PTPRM: variants seen among roughly 807,000 people sequenced by gnomAD.
The protein encoded by PTPRM is receptor-type tyrosine-protein phosphatase mu.
Under a neutral mutation model 186.7 loss-of-function variants are expected in PTPRM, and 47 were observed. The observed-to-expected ratio is 0.25, with a 90% CI of 0.20 to 0.32. The LOEUF is 0.32. Ranked by LOEUF, PTPRM falls within the 10% of genes least tolerant of loss-of-function variation. PTPRM has a pLI of 1.00. For synonymous variants in PTPRM, 668 were observed against 674.9 expected, an observed-to-expected ratio of 0.99 and a Z score of 0.16; for missense variants, 1,494 against 1,865.0, an observed-to-expected ratio of 0.80 and a Z score of 3.66.
chr18:7,988,351 AT>A (rs1340992742), intron 7 of PTPRM, among the ~76,000 whole-genome samples: 1 of 152,176 alleles, frequency 6.6e-6, no homozygotes, highest in Non-Finnish European at 1.5e-5. Flanking sequence ...GCCCTTTCTA[AT>A]TTTGATTAAA....
chr18:8,196,756 G>GAT (rs1215349209), intron 14 of PTPRM, among the ~76,000 whole-genome samples: 1 of 152,202 alleles, frequency 6.6e-6, no homozygotes. Flanking sequence ...CATATGTCAC[G>GAT]ATATGTTCCT....
intron 19 of PTPRM, among the ~76,000 whole-genome samples, chr18:8,260,829 A>G (rs1245715028): frequency 6.6e-6 from 1 of 152,220 alleles, no homozygotes; most frequent in East Asian, 1.9e-4. Flanking sequence ...GCCCAGCAGC[A>G]GGGCGCGGGA....
At chr18:7,576,848 G>A (rs1261276023) in intron 1 of PTPRM, among the ~76,000 whole-genome samples, 1 of 152,150 alleles carries the variant, frequency 6.6e-6, no homozygotes, top group African/African-American at 2.4e-5. Context: ...CATGTAATAA[G>A]CACATGCTTA....
chr18:7,574,142 T>C (rs772336941), intron 1 of PTPRM, among the ~76,000 whole-genome samples: 3 of 152,090 alleles, frequency 2.0e-5, no homozygotes, highest in African/African-American at 7.2e-5. Context: ...GAACTGGGGG[T>C]AAAAATATCA....
intron 1 of PTPRM, among the ~76,000 whole-genome samples, chr18:7,609,510 T>C (rs989535563): frequency 6.7e-6 from 1 of 148,206 alleles, no homozygotes; most frequent in Admixed American, 6.8e-5. Context: ...TTCTAGAAAC[T>C]GCCTGTCTCC....
At chr18:7,959,489 C>T (rs1406773759) in intron 7 of PTPRM, among the ~76,000 whole-genome samples, 3 of 152,196 alleles carry the variant, frequency 2.0e-5, no homozygotes, top group South Asian at 2.1e-4. Context: ...ATTAAAATGG[C>T]AAGATCACTA....
chr18:8,201,593 A>G (rs1341770322), intron 14 of PTPRM, among the ~76,000 whole-genome samples: 1 of 152,210 alleles, frequency 6.6e-6, no homozygotes. Context: ...TCTGGAGGCC[A>G]GAAGTCTAAG....
At chr18:7,723,953 T>C (rs2040498115) in intron 1 of PTPRM, among the ~76,000 whole-genome samples, 1 of 152,202 alleles carries the variant, frequency 6.6e-6, no homozygotes, top group African/African-American at 2.4e-5. Context: ...TTGAAATTAG[T>C]GTTCTGTGCC....
At chr18:8,193,338 G>C (rs372393543) in intron 14 of PTPRM, among the ~76,000 whole-genome samples, 66 of 152,192 alleles carry the variant, frequency 4.3e-4, no homozygotes, top group African/African-American at 1.5e-3. Flanking sequence ...AGCTATCAAG[G>C]GGCAGTAATA....
intron 2 of PTPRM, among the ~76,000 whole-genome samples, chr18:7,866,312 T>C (rs2047691728): frequency 6.6e-6 from 1 of 152,196 alleles, no homozygotes; most frequent in East Asian, 1.9e-4. Flanking sequence ...CTGCTTTCTC[T>C]TGTGGGCATT....
At chr18:8,183,350 A>G (rs1282174839) in intron 14 of PTPRM, among the ~76,000 whole-genome samples, 2 of 152,204 alleles carry the variant, frequency 1.3e-5, no homozygotes, top group Non-Finnish European at 2.9e-5. Flanking sequence ...TCTTATCAGA[A>G]TCACCATTGT....
intron 7 of PTPRM, among the ~76,000 whole-genome samples, chr18:7,985,298 TATA>T (rs1274361299): frequency 9.6e-6 from 1 of 103,832 alleles, no homozygotes; most frequent in Non-Finnish European, 2.0e-5. Flanking sequence ...AATATATACA[TATA>T]ATAGTATATA....
intron 1 of PTPRM, among the ~76,000 whole-genome samples, chr18:7,663,896 C>CA (rs2039034637): frequency 6.6e-6 from 1 of 152,140 alleles, no homozygotes; most frequent in Admixed American, 6.5e-5. Flanking sequence ...CTCTGCCCCC[C>CA]TCCAGCCCCA....
At chr18:8,101,992 A>G (rs971559140) in intron 11 of PTPRM, among the ~76,000 whole-genome samples, 3 of 152,250 alleles carry the variant, frequency 2.0e-5, no homozygotes, top group African/African-American at 7.2e-5. Flanking sequence ...TAAAGTGAAT[A>G]TCACAATAAA....
chr18:7,919,999 A>G (rs140945344), intron 4 of PTPRM, among the ~76,000 whole-genome samples: 1 of 152,018 alleles, frequency 6.6e-6, no homozygotes, highest in East Asian at 1.9e-4. Context: ...ATAAACATAG[A>G]TACTCCTCCT....
At position 8,125,690 on chromosome 18, in the gene PTPRM, G is replaced by T. The variant is rs895094039; in HGVS notation, c.2167+10863G>T. The stretch of plus-strand genomic sequence containing the variant: ...AGTGGAATGTCTGATTGGAATGAAG[G>T]TTCTGTCTACCTCAGAAATCCTACT... On this transcript the variant is annotated intron_variant, in intron 13 of 32. Transcript: ENST00000580170. Among the ~76,000 whole-genome samples, 57 of 151,830 alleles carry T rather than the reference G, an allele frequency of 3.8e-4. 1 individual carries two copies. Among genetic ancestry groups the T allele is most frequent in the Non-Finnish European group, 5.9e-5 (4 of 67,942 alleles).
intron 7 of PTPRM, among the ~76,000 whole-genome samples, chr18:7,983,874 A>G (rs963378317): frequency 2.0e-5 from 3 of 152,212 alleles, no homozygotes; most frequent in African/African-American, 7.2e-5. Context: ...AAAGCTGTCA[A>G]TAAAAACCCC....
At chr18:7,795,165 C>T (rs551298359) in intron 2 of PTPRM, among the ~76,000 whole-genome samples, 6 of 152,268 alleles carry the variant, frequency 3.9e-5, no homozygotes, top group Admixed American at 2.0e-4. Context: ...TGTTCTCCAT[C>T]GAGTGCCTCT....
chr18:7,824,520 C>G (rs753845057), intron 2 of PTPRM, among the ~76,000 whole-genome samples: 7 of 152,106 alleles, frequency 4.6e-5, no homozygotes, highest in Non-Finnish European at 1.0e-4. Flanking sequence ...TTTTATTGCT[C>G]GTTTTTTCCC....
Sources: gnomAD v4.1 joint callset for allele counts (sites outside exome capture counted in the v4.1 genomes callset) on GRCh38, gnomAD v4.1.1 for gene constraint, MANE v1.5 for transcripts, NCBI Gene and HGNC (gene_info 2026-07-23, HGNC 2026-07-21) for gene names.